SDK1: variants seen among roughly 807,000 people sequenced by gnomAD.
SDK1 encodes protein sidekick-1.
A neutral mutation model predicts 245.5 loss-of-function variants in SDK1; 157 were observed. The ratio of observed to expected loss-of-function variants is 0.64; its 90% CI spans 0.56 to 0.73. The LOEUF is 0.73. SDK1 is among the 30% of genes least tolerant of loss of function. The pLI, the probability that SDK1 is intolerant of heterozygous loss-of-function variation, is 0.00. For missense variants in SDK1, 3,583 were observed against 3,002.3 expected, an observed-to-expected ratio of 1.19 and a Z score of -4.52; for synonymous variants, 1,647 against 1,278.5, an observed-to-expected ratio of 1.29 and a Z score of -6.15.
intron 1 of SDK1, among the ~76,000 whole-genome samples, chr7:3,571,280 G>C (rs1031394733): frequency 6.6e-6 from 1 of 151,870 alleles, no homozygotes; most frequent in Non-Finnish European, 1.5e-5. Flanking sequence ...GATTATCTTT[G>C]TTATTAAGAG....
chr7:4,095,611 C>G (rs906722788), intron 22 of SDK1, among the ~76,000 whole-genome samples: 1 of 152,064 alleles, frequency 6.6e-6, no homozygotes, highest in African/African-American at 2.4e-5. Context: ...CTCGCTCTGT[C>G]TCACAGGCTG....
intron 5 of SDK1, among the ~76,000 whole-genome samples, chr7:3,877,421 A>C (rs1781102342): frequency 6.6e-6 from 1 of 152,220 alleles, no homozygotes; most frequent in Non-Finnish European, 1.5e-5. Flanking sequence ...TCAAAGAGAG[A>C]ACAACCGTGT....
chr7:4,263,422 TGTAGACCTCTCCTGAGTGGGGAGGCCGC>T (rs1217476787), intron 44 of SDK1, among the ~76,000 whole-genome samples: 3 of 146,668 alleles, frequency 2.0e-5, no homozygotes, highest in Non-Finnish European at 4.5e-5. Context: ...GGGAAGGCTG[TGTAGACCTCTCCTGAGTGGGGAGGCCGC>T]GTAGACCTCT....
intron 5 of SDK1, among the ~76,000 whole-genome samples, chr7:3,879,501 G>A (rs757280389): frequency 1.3e-5 from 2 of 152,106 alleles, no homozygotes; most frequent in Non-Finnish European, 2.9e-5. Context: ...TGGACCCCAC[G>A]CCCTTTTCAA....
In SDK1 at chr7:3,456,233, T is replaced by C. The variant is rs140239804; in HGVS notation, c.298+154349T>C. Among the ~76,000 whole-genome samples the C allele has an allele frequency of 4.7e-3, 715 of 152,370 alleles. 3 individuals are homozygous for C. Among genetic ancestry groups the C allele is most frequent in the Middle Eastern group, 0.017 (5 of 294 alleles). On this transcript the variant is annotated intron_variant, in intron 1 of 44. Coordinates refer to ENST00000404826, the MANE Select transcript of SDK1 (RefSeq NM_152744.4). Reference sequence around the variant, plus strand: ...TTTTGTTTGGGCTTCACTCAGCTTCTTGAATCTGTAGATTTATGTCTTTTG... The same window carrying C: ...TTTTGTTTGGGCTTCACTCAGCTTCCTGAATCTGTAGATTTATGTCTTTTG...
intron 34 of SDK1, among the ~76,000 whole-genome samples, chr7:4,176,592 C>T (rs1056012049): frequency 3.3e-5 from 5 of 152,184 alleles, no homozygotes; most frequent in Non-Finnish European, 7.3e-5. Flanking sequence ...CATCATTCTC[C>T]AGAACTTTCT....
chr7:3,578,173 A>G (rs551084801), intron 1 of SDK1, among the ~76,000 whole-genome samples: 25 of 152,144 alleles, frequency 1.6e-4, no homozygotes, highest in Non-Finnish European at 1.5e-5. Context: ...GAGGAATTTT[A>G]CAGTTGGGCC....
At chr7:3,622,082 G>C (rs146172064) in intron 2 of SDK1, among the ~76,000 whole-genome samples, 7 of 152,152 alleles carry the variant, frequency 4.6e-5, no homozygotes, top group Non-Finnish European at 8.8e-5. Flanking sequence ...GTGTCTATGA[G>C]GGTAGGTATG....
intron 1 of SDK1, among the ~76,000 whole-genome samples, chr7:3,570,383 G>C (rs1011601674): frequency 2.0e-5 from 3 of 152,148 alleles, no homozygotes; most frequent in African/African-American, 7.2e-5. Context: ...GACGGGAGGA[G>C]TTGCTCAGGC....
At chr7:3,403,134 G>A (rs1191847338) in intron 1 of SDK1, among the ~76,000 whole-genome samples, 4 of 151,998 alleles carry the variant, frequency 2.6e-5, no homozygotes, top group South Asian at 2.1e-4. Flanking sequence ...GGGTTTCTCC[G>A]TGTTGATCAG....
intron 1 of SDK1, among the ~76,000 whole-genome samples, chr7:3,378,904 T>A (rs1781416861): frequency 1.3e-5 from 2 of 152,050 alleles, no homozygotes. Context: ...ATCGGAGAGT[T>A]GCATGCATGC....
intron 1 of SDK1, among the ~76,000 whole-genome samples, chr7:3,376,925 C>T (rs555861654): frequency 2.6e-5 from 4 of 151,988 alleles, no homozygotes; most frequent in African/African-American, 7.3e-5. Flanking sequence ...GATCTGTCTC[C>T]ACTTCTCAAC....
chr7:4,080,882 G>A (rs1314456045), intron 22 of SDK1, among the ~76,000 whole-genome samples: 3 of 151,762 alleles, frequency 2.0e-5, no homozygotes, highest in East Asian at 3.9e-4. Flanking sequence ...AATAAAAAAA[G>A]AAAAAAGAAA....
At chr7:3,377,756 T>A (rs1257058041) in intron 1 of SDK1, among the ~76,000 whole-genome samples, 1 of 152,072 alleles carries the variant, frequency 6.6e-6, no homozygotes, top group Non-Finnish European at 1.5e-5. Context: ...TTCCAAACTA[T>A]ATTTTTATTT....
At chr7:4,080,590 C>T (rs1353380974) in intron 22 of SDK1, among the ~76,000 whole-genome samples, 1 of 152,130 alleles carries the variant, frequency 6.6e-6, no homozygotes, top group African/African-American at 2.4e-5. Flanking sequence ...AAGGAGGATC[C>T]TGAAGGCGCA....
At chr7:3,619,746 A>G (rs183977568) in intron 2 of SDK1, among the ~76,000 whole-genome samples, 2 of 152,326 alleles carry the variant, frequency 1.3e-5, no homozygotes, top group Non-Finnish European at 2.9e-5. Context: ...ATAAAACAGT[A>G]TATATTGAAG....
chr7:3,302,883 C>T (rs1002185963), intron 1 of SDK1, among the ~76,000 whole-genome samples: 2 of 152,250 alleles, frequency 1.3e-5, no homozygotes, highest in Non-Finnish European at 1.5e-5. Context: ...AAGATGAGAG[C>T]ATTAAACTTA....
At chr7:3,606,579 G>C (rs1247532718) in intron 1 of SDK1, among the ~76,000 whole-genome samples, 1 of 152,154 alleles carries the variant, frequency 6.6e-6, no homozygotes, top group Non-Finnish European at 1.5e-5. Context: ...TTAGAACACA[G>C]TGGACTGACT....
intron 4 of SDK1, among the ~76,000 whole-genome samples, chr7:3,719,132 A>G (rs573985035): frequency 6.6e-5 from 10 of 152,244 alleles, no homozygotes; most frequent in South Asian, 6.2e-4. Context: ...TCATTTGGGG[A>G]TAAATCTAAC....
Sources: gnomAD v4.1 joint callset for allele counts (sites outside exome capture counted in the v4.1 genomes callset) on GRCh38, gnomAD v4.1.1 for gene constraint, MANE v1.5 for transcripts, NCBI Gene and HGNC (gene_info 2026-07-23, HGNC 2026-07-21) for gene names.